The following BARX2 variants were observed in gnomAD, a reference collection of about 807,000 sequenced individuals.
The protein encoded by BARX2 is homeobox protein BarH-like 2.
BARX2 carries 11 observed loss-of-function variants against 25.5 expected under a neutral mutation model. The observed-to-expected ratio is 0.43, with a 90% CI of 0.27 to 0.71. The LOEUF is 0.71. Ranked by LOEUF, BARX2 falls within the 30% of genes least tolerant of loss-of-function variation. The pLI is 0.19. For synonymous variants in BARX2, 137 were observed against 149.5 expected, an observed-to-expected ratio of 0.92 and a Z score of 0.61; for missense variants, 360 against 359.9, an observed-to-expected ratio of 1.00 and a Z score of 0.00.
At chr11:129,443,396 T>C (rs549443761) in intron 3 of BARX2, among the ~76,000 whole-genome samples, 1 of 152,230 alleles carries the variant, frequency 6.6e-6, no homozygotes, top group South Asian at 2.1e-4. Context: ...CAGTACTCTT[T>C]GTTTATAATG....
intron 1 of BARX2, among the ~76,000 whole-genome samples, chr11:129,435,196 A>G (rs1862175137): frequency 6.6e-6 from 1 of 152,052 alleles, no homozygotes; most frequent in Non-Finnish European, 1.5e-5. Flanking sequence ...CTAAAATATC[A>G]CTCCCAGGTG....
At position 129,430,718 on chromosome 11, in the gene BARX2, C is replaced by T. The variant is rs189633748; in HGVS notation, c.188-6033C>T. ...CTTTGTGGTTAAGCTCTTCCCCGAC[C>T]CTTAACCTCTGGCAGTCTATTCTCT... On this transcript the variant is annotated intron_variant, in intron 1 of 3. Coordinates refer to ENST00000281437, the MANE Select transcript of BARX2 (RefSeq NM_003658.5). Among the ~76,000 whole-genome samples, 11 of 152,250 alleles carry T rather than the reference C, an allele frequency of 7.2e-5. No homozygotes were observed. The East Asian group carries it at 1.7e-3, about 24-fold the overall frequency.
intron 1 of BARX2, among the ~76,000 whole-genome samples, chr11:129,408,670 T>C (rs1861856574): frequency 6.6e-6 from 1 of 152,244 alleles, no homozygotes; most frequent in African/African-American, 2.4e-5. Flanking sequence ...CTTTGGAGAC[T>C]ATCTCGGCCT....
intron 1 of BARX2, among the ~76,000 whole-genome samples, chr11:129,405,059 G>A (rs764518037): frequency 3.0e-4 from 45 of 152,094 alleles, no homozygotes; most frequent in Non-Finnish European, 6.0e-4. Flanking sequence ...TGTGACCACC[G>A]CTTGATCTGA....
In BARX2 at chr11:129,378,469, G is replaced by T. The variant is rs530224268; in HGVS notation, c.187+2247G>T. On this transcript the variant is annotated intron_variant, in intron 1 of 3. Transcript: ENST00000281437. ...TCAGGACAAAAATCTTTGATTAGAT[G>T]AATGTAATCTTTTTTCTTATTAATT... Among the ~76,000 whole-genome samples the T allele has an allele frequency of 3.3e-5, 5 of 151,828 alleles. No individual in the cohort carries two copies. The South Asian group carries it at 1.0e-3, about 32-fold the overall frequency.
chr11:129,419,068 C>G (rs1861975460), intron 1 of BARX2, among the ~76,000 whole-genome samples: 1 of 152,156 alleles, frequency 6.6e-6, no homozygotes, highest in African/African-American at 2.4e-5. Flanking sequence ...CCTACATGGT[C>G]CCTGTGTGAG....
chr11:129,425,033 C>A (rs1481148388), intron 1 of BARX2, among the ~76,000 whole-genome samples: 3 of 152,200 alleles, frequency 2.0e-5, no homozygotes, highest in African/African-American at 4.8e-5. Context: ...TATCCCCCAA[C>A]AAGCTTGTAG....
intron 1 of BARX2, among the ~76,000 whole-genome samples, chr11:129,409,137 T>C (rs1391215664): frequency 6.6e-6 from 1 of 152,206 alleles, no homozygotes; most frequent in Non-Finnish European, 1.5e-5. Context: ...TAATTTACTT[T>C]TCAAAACTGA....
chr11:129,407,926 G>A (rs1207299927), intron 1 of BARX2, among the ~76,000 whole-genome samples: 1 of 151,370 alleles, frequency 6.6e-6, no homozygotes, highest in East Asian at 1.9e-4. Flanking sequence ...CACAGGCTGG[G>A]CGCGGTGGCT....
intron 1 of BARX2, among the ~76,000 whole-genome samples, chr11:129,385,029 A>G (rs114991199): frequency 0.011 from 1,732 of 152,322 alleles, 33 homozygotes; most frequent in African/African-American, 0.039. Flanking sequence ...ATAGAAAGGA[A>G]GATCTCAATG....
chr11:129,393,997 TC>T (rs1272140858), intron 1 of BARX2, among the ~76,000 whole-genome samples: 2 of 152,094 alleles, frequency 1.3e-5, no homozygotes, highest in African/African-American at 4.8e-5. Context: ...TTGCCTGGGT[TC>T]CCCTCCCTGA....
intron 1 of BARX2, among the ~76,000 whole-genome samples, chr11:129,414,297 A>G (rs968611572): frequency 3.9e-5 from 6 of 152,076 alleles, no homozygotes; most frequent in African/African-American, 9.7e-5. Flanking sequence ...CTTTGACTCA[A>G]TTCAGTTCTG....
intron 2 of BARX2, among the ~76,000 whole-genome samples, chr11:129,438,638 G>A (rs561207255): frequency 3.9e-5 from 6 of 152,314 alleles, no homozygotes; most frequent in Admixed American, 2.0e-4. Flanking sequence ...ATGAGGCACC[G>A]TCAGCTGTTT....
At chr11:129,450,223 C>T (rs937247608) in intron 3 of BARX2, among the ~76,000 whole-genome samples, 4 of 152,134 alleles carry the variant, frequency 2.6e-5, no homozygotes, top group African/African-American at 4.8e-5. Context: ...ACTACTTCTT[C>T]GAACGCTACA....
intron 1 of BARX2, among the ~76,000 whole-genome samples, chr11:129,378,563 C>CTTTTTTTTTTTTTTTTTTTTTTTTTTT (rs56804728): frequency 9.0e-6 from 1 of 111,210 alleles, no homozygotes. Flanking sequence ...TTTTCTTTTT[C>CTTTTTTTTTTTTTTTTTTTTTTTTTTT]TTTTTTTTTT....
chr11:129,392,665 G>GCCA (rs1861677404), intron 1 of BARX2, among the ~76,000 whole-genome samples: 1 of 152,144 alleles, frequency 6.6e-6, no homozygotes, highest in East Asian at 1.9e-4. Context: ...AGTCTGGAGG[G>GCCA]CAGTGGTATG....
At chr11:129,391,024 T>G (rs934779157) in intron 1 of BARX2, among the ~76,000 whole-genome samples, 3 of 152,200 alleles carry the variant, frequency 2.0e-5, no homozygotes, top group African/African-American at 7.2e-5. Flanking sequence ...CAGTTTCTGC[T>G]GTTGGTAAAA....
At chr11:129,444,671 A>G (rs531280126) in intron 3 of BARX2, among the ~76,000 whole-genome samples, 1 of 152,322 alleles carries the variant, frequency 6.6e-6, no homozygotes, top group East Asian at 1.9e-4. Context: ...GGAGTTCAGA[A>G]GAGAGGTAAT....
intron 1 of BARX2, among the ~76,000 whole-genome samples, chr11:129,413,656 G>A (rs1861912467): frequency 6.6e-6 from 1 of 152,154 alleles, no homozygotes. Context: ...CAGTGGTCAA[G>A]GCATGAAGCT....
Sources: allele counts gnomAD v4.1 joint callset (sites outside exome capture counted in the v4.1 genomes callset), GRCh38; gene constraint gnomAD v4.1.1; transcripts MANE v1.5; gene names NCBI Gene and HGNC (gene_info 2026-07-23, HGNC 2026-07-21).